SENP6: variants seen among roughly 807,000 people sequenced by gnomAD.
SENP6 encodes the protein sentrin-specific protease 6.
Under a neutral mutation model 134.5 loss-of-function variants are expected in SENP6, and 41 were observed. The observed-to-expected ratio is 0.30, with a 90% CI of 0.24 to 0.40. SENP6 has a LOEUF of 0.40. Among genes scored for constraint, SENP6 ranks in the 10% least tolerant of loss-of-function variants. The pLI is 1.00. For synonymous variants in SENP6, 395 were observed against 429.8 expected (o/e 0.92, Z 1.00); for missense variants, 1,248 against 1,312.5 (o/e 0.95, Z 0.76).
chr6:75,677,329 A>C (rs187002814), intron 14 of SENP6, 73 bp downstream of exon 14: 1 of 977,146 alleles, frequency 1.0e-6, no homozygotes, highest in African/African-American at 1.7e-5. Context: ...TTTTATTTTA[A>C]TACTGTTCAT....
chr6:75,702,944 AAAT>A lies in SENP6; in HGVS notation c.2591_2593del (p.Ile864del), dbSNP rs781752851. Reference sequence around the variant, plus strand: ...TGCAGTGTAAAATACAGTGTGAAAAAAATAAATCATACTGCGAGTGAAAATGAA... The same window carrying A: ...TGCAGTGTAAAATACAGTGTGAAAAAAAATCATACTGCGAGTGAAAATGAA... On this transcript the variant is annotated inframe_deletion, in exon 19 of 24. Coordinates refer to ENST00000447266, the MANE Select transcript of SENP6 (RefSeq NM_015571.4). 2.8e-5 allele frequency: 45 copies of A among 1,614,152 alleles called. No individual in the cohort carries two copies. Among genetic ancestry groups the A allele is most frequent in the South Asian group, 2.4e-4 (22 of 91,084 alleles).
intron 6 of SENP6, 183 bp from the exon 7 acceptor site, chr6:75,647,548 G>T: frequency 2.7e-6 from 1 of 372,794 alleles, no homozygotes; most frequent in Non-Finnish European, 4.9e-6. Flanking sequence ...AAAAAATACA[G>T]TAAAATTTTA....
chr6:75,654,345 A>C (rs573281635), intron 7 of SENP6, among the ~76,000 whole-genome samples: 11 of 152,370 alleles, frequency 7.2e-5, no homozygotes, highest in African/African-American at 2.4e-4. Flanking sequence ...ATGCAAAGGC[A>C]CAACAGGTGA....
Position 75,632,699 on chromosome 6 carries a change from G to A in SENP6, c.208-882G>A, listed in dbSNP as rs931142374. Among the ~76,000 whole-genome samples the A allele has an allele frequency of 3.3e-5, 5 of 152,086 alleles. No homozygotes were observed. The East Asian group carries it at 9.6e-4, about 29-fold the overall frequency. On this transcript the variant is annotated intron_variant, in intron 3 of 23. Transcript: ENST00000447266. ...TTGCATTACCTGGAAAACTGTCTTAGGCTGGGGTAGGGCGGTGGATTTAAA... is the reference window on the plus strand; with the variant it reads ...TTGCATTACCTGGAAAACTGTCTTAAGCTGGGGTAGGGCGGTGGATTTAAA...
intron 11 of SENP6, among the ~76,000 whole-genome samples, chr6:75,674,920 G>GT (rs768720330): frequency 2.6e-4 from 40 of 151,904 alleles, no homozygotes; most frequent in Admixed American, 2.3e-3. Flanking sequence ...CATTTATCTT[G>GT]TTTTTTAATA....
chr6:75,685,994 G>T (rs1326312656), intron 16 of SENP6, among the ~76,000 whole-genome samples: 2 of 150,966 alleles, frequency 1.3e-5, no homozygotes, highest in African/African-American at 2.4e-5. Flanking sequence ...TGACAGTGGG[G>T]TGTTAAAGTC....
At chr6:75,682,436 A>T (rs1033073225) in intron 16 of SENP6, among the ~76,000 whole-genome samples, 1 of 151,708 alleles carries the variant, frequency 6.6e-6, no homozygotes, top group South Asian at 2.1e-4. Context: ...TTTAAGATCT[A>T]TGGTACATGT....
chr6:75,694,255 T>C (rs200752159), intron 16 of SENP6, among the ~76,000 whole-genome samples: 2 of 152,154 alleles, frequency 1.3e-5, no homozygotes, highest in East Asian at 3.8e-4. Flanking sequence ...AGTGAAACTC[T>C]TATCTCAAAA....
Position 75,634,702 on chromosome 6 carries a change from T to G in SENP6, c.354-5T>G. On this transcript the variant is annotated splice_polypyrimidine_tract_variant and splice_region_variant and intron_variant, in intron 4 of 23. Transcript: ENST00000447266. The stretch of plus-strand genomic sequence containing the variant: ...CAAGTTATTTTTTGTTTCTTGAATC[T>G]GCAGTGAAAATACGCAAAATACGTC... The G allele has an allele frequency of 6.6e-7, 1 of 1,513,228 alleles. No individual in the cohort carries two copies. The highest frequency in any genetic ancestry group is 1.2e-5 in the South Asian group (1 of 80,938). 93.7% of individuals were successfully genotyped at this position (1,513,228 alleles called of 1,614,324 possible). A position where few individuals can be genotyped will look rare whatever the true frequency, so the allele number is the denominator to read the frequency against.
At chr6:75,612,497 G>C (rs1465332348) in intron 1 of SENP6, among the ~76,000 whole-genome samples, 1 of 151,992 alleles carries the variant, frequency 6.6e-6, no homozygotes, top group African/African-American at 2.4e-5. Flanking sequence ...ACAACCAGCT[G>C]ATTTTTTTAT....
In SENP6 at chr6:75,604,525, C is replaced by T. The variant is rs773186966; in HGVS notation, c.52+1949C>T. Among the ~76,000 whole-genome samples, 170 of 149,484 alleles carry T rather than the reference C, an allele frequency of 1.1e-3. 2 individuals are homozygous for T. Among genetic ancestry groups the T allele is most frequent in the Non-Finnish European group, 5.1e-4 (34 of 67,234 alleles). ...CGCGCGCCTGTAGTCCCAGCTACTG[C>T]GGAGGCTGAGGCAGGAGAATCGCTT... On this transcript the variant is annotated intron_variant, in intron 1 of 23. Coordinates refer to ENST00000447266, the MANE Select transcript of SENP6 (RefSeq NM_015571.4).
At position 75,678,862 on chromosome 6, in the gene SENP6, T is replaced by C. The variant is rs1376404869; in HGVS notation, c.2010T>C (p.Asn670=). ...PPAKGGISVT[N]EDLHCLNEGE... ...CTAAGGGAGGCATCTCTGTTACCAA[T>C]GAGGACCTGCACTGTCTAAATGAAG... The change falls in exon 16 of 24, where the codon AAT becomes AAC. Residue 670 remains asparagine (N), a synonymous_variant. Transcript: ENST00000447266. 6.2e-7 allele frequency: 1 copy of C among 1,608,656 alleles called. No individual in the cohort carries two copies. The highest frequency in any genetic ancestry group is 1.1e-5 in the South Asian group (1 of 90,736).
At chr6:75,689,840 A>G (rs895270245) in intron 16 of SENP6, among the ~76,000 whole-genome samples, 5 of 152,172 alleles carry the variant, frequency 3.3e-5, no homozygotes, top group South Asian at 2.1e-4. Context: ...CACAACTTCA[A>G]ATTACCTCAT....
chr6:75,669,102 C>T (rs1772469555), intron 10 of SENP6, among the ~76,000 whole-genome samples: 1 of 152,194 alleles, frequency 6.6e-6, no homozygotes. Context: ...GTAATCCCAG[C>T]ACTTTCGGAG....
chr6:75,640,415 T>C (rs57268793), intron 5 of SENP6, among the ~76,000 whole-genome samples: 14,611 of 152,264 alleles, frequency 0.096, 730 homozygotes, highest in Non-Finnish European at 0.11. Flanking sequence ...TTCTAACATA[T>C]CTTCAAGTAT....
chr6:75,647,857 T>G (rs1443558936), intron 7 of SENP6, 56 bp downstream of exon 7: 16 of 1,319,292 alleles, frequency 1.2e-5, no homozygotes, highest in African/African-American at 2.9e-5. Flanking sequence ...GTATGAAAAG[T>G]ACAATGGAGA....
intron 13 of SENP6, among the ~76,000 whole-genome samples, chr6:75,676,276 T>C (rs1171345328): frequency 6.6e-6 from 1 of 152,076 alleles, no homozygotes; most frequent in African/African-American, 2.4e-5. Flanking sequence ...GACTTACTCA[T>C]TTACAAAGTT....
At chr6:75,666,131 GTA>G (rs896548748) in intron 9 of SENP6, among the ~76,000 whole-genome samples, 4 of 128,344 alleles carry the variant, frequency 3.1e-5, no homozygotes, top group Non-Finnish European at 3.2e-5. Flanking sequence ...TATATAAAAC[GTA>G]TATATGATAT....
At chr6:75,675,680 TA>T in intron 12 of SENP6, 179 bp from the exon 13 acceptor site, 2 of 791,318 alleles carry the variant, frequency 2.5e-6, no homozygotes, top group Non-Finnish European at 4.0e-6. Context: ...TTGGAAAAAA[TA>T]AAAAAGTTTC....
Sources: allele counts gnomAD v4.1 joint callset (sites outside exome capture counted in the v4.1 genomes callset), GRCh38; gene constraint gnomAD v4.1.1; transcripts MANE v1.5; gene names NCBI Gene and HGNC (gene_info 2026-07-23, HGNC 2026-07-21).